Variants in NBEA observed in about 807,000 individuals in gnomAD.
NBEA encodes the protein neurobeachin.
In NBEA, 44 loss-of-function variants were observed where a neutral mutation model predicts 343.4. That is an observed-to-expected ratio of 0.13 (90% confidence interval 0.10 to 0.16). The LOEUF (loss-of-function observed/expected upper bound fraction) is 0.16, where lower values mean the gene tolerates loss of function less well. NBEA is among the 10% of genes least tolerant of loss of function. NBEA has a pLI of 1.00. For missense variants in NBEA, 2,555 were observed against 3,631.3 expected, an observed-to-expected ratio of 0.70 and a Z score of 7.62; for synonymous variants, 1,175 against 1,238.7, an observed-to-expected ratio of 0.95 and a Z score of 1.08.
intron 36 of NBEA, among the ~76,000 whole-genome samples, chr13:35,345,949 T>C (rs1428551524): frequency 6.6e-6 from 1 of 152,078 alleles, no homozygotes; most frequent in Non-Finnish European, 1.5e-5. Flanking sequence ...ATGTGGATAA[T>C]GGTGTCATTC....
chr13:35,006,229 G>T (rs2061313025), intron 1 of NBEA, among the ~76,000 whole-genome samples: 1 of 151,654 alleles, frequency 6.6e-6, no homozygotes, highest in Non-Finnish European at 1.5e-5. Context: ...GGATGTACAT[G>T]TCTTTTATTT....
intron 10 of NBEA, among the ~76,000 whole-genome samples, chr13:35,093,508 A>G (rs1263460479): frequency 1.3e-5 from 2 of 151,892 alleles, no homozygotes; most frequent in Non-Finnish European, 2.9e-5. Context: ...TGTTAATCCT[A>G]TTTCTCTTAA....
intron 41 of NBEA, among the ~76,000 whole-genome samples, chr13:35,478,144 T>A (rs2075961751): frequency 6.6e-6 from 1 of 152,230 alleles, no homozygotes; most frequent in South Asian, 2.1e-4. Flanking sequence ...CTTAAGCTTT[T>A]GATTTTTGTT....
intron 17 of NBEA, among the ~76,000 whole-genome samples, chr13:35,133,062 A>G (rs1431368524): frequency 6.6e-6 from 1 of 152,182 alleles, no homozygotes; most frequent in Non-Finnish European, 1.5e-5. Flanking sequence ...GATACCATAA[A>G]AAGTGAAAAG....
At chr13:35,485,937 T>C (rs1056572369) in intron 41 of NBEA, among the ~76,000 whole-genome samples, 1 of 152,136 alleles carries the variant, frequency 6.6e-6, no homozygotes, top group African/African-American at 2.4e-5. Context: ...TAAGACATAC[T>C]TCACAACCAC....
chr13:35,541,405 G>A (rs368816248), intron 41 of NBEA, among the ~76,000 whole-genome samples: 2 of 151,830 alleles, frequency 1.3e-5, no homozygotes, highest in African/African-American at 2.4e-5. Context: ...TTAAAGGAAC[G>A]GAAGAAAAAT....
intron 34 of NBEA, among the ~76,000 whole-genome samples, chr13:35,281,936 G>A (rs546149954): frequency 4.0e-5 from 6 of 151,664 alleles, no homozygotes; most frequent in African/African-American, 1.2e-4. Context: ...ATTTTGAGAC[G>A]GAGTCTTACT....
At chr13:35,424,983 C>T (rs1318781671) in intron 38 of NBEA, among the ~76,000 whole-genome samples, 7 of 152,066 alleles carry the variant, frequency 4.6e-5, no homozygotes, top group Admixed American at 2.0e-4. Context: ...TCTGTGGGAT[C>T]GGTGGTGATA....
At chr13:35,305,608 C>A (rs904301785) in intron 35 of NBEA, among the ~76,000 whole-genome samples, 1 of 152,124 alleles carries the variant, frequency 6.6e-6, no homozygotes, top group Non-Finnish European at 1.5e-5. Context: ...TTCCCTCCAT[C>A]TTGGCTGCCA....
At chr13:34,985,903 G>T (rs1489414470) in intron 1 of NBEA, among the ~76,000 whole-genome samples, 1 of 150,234 alleles carries the variant, frequency 6.7e-6, no homozygotes, top group Non-Finnish European at 1.5e-5. Flanking sequence ...ATTTTTTATT[G>T]CATTTATTTG....
intron 33 of NBEA, among the ~76,000 whole-genome samples, chr13:35,223,471 G>A (rs1188425912): frequency 6.6e-6 from 1 of 152,044 alleles, no homozygotes; most frequent in African/African-American, 2.4e-5. Context: ...ATTTCTTCTG[G>A]CTTGCACAGA....
intron 34 of NBEA, among the ~76,000 whole-genome samples, chr13:35,274,065 A>C (rs559734570): frequency 6.6e-6 from 1 of 151,856 alleles, no homozygotes; most frequent in Admixed American, 6.6e-5. Context: ...ACAACAAAAA[A>C]AGAATTTTAG....
intron 38 of NBEA, among the ~76,000 whole-genome samples, chr13:35,425,575 T>C (rs1331020976): frequency 6.6e-6 from 1 of 152,218 alleles, no homozygotes; most frequent in East Asian, 1.9e-4. Flanking sequence ...AACTATGTGA[T>C]CAATTTTGGA....
intron 38 of NBEA, among the ~76,000 whole-genome samples, chr13:35,428,775 G>T (rs2044887249): frequency 6.6e-6 from 1 of 152,152 alleles, no homozygotes. Context: ...TATGACAAGT[G>T]ATTTTAGATT....
At chr13:35,496,889 A>G (rs564277219) in intron 41 of NBEA, among the ~76,000 whole-genome samples, 3 of 152,004 alleles carry the variant, frequency 2.0e-5, no homozygotes, top group South Asian at 2.1e-4. Context: ...CCTTCCCCCA[A>G]ACAAATTTAC....
intron 41 of NBEA, among the ~76,000 whole-genome samples, chr13:35,484,299 C>A (rs2076233702): frequency 6.9e-6 from 1 of 145,858 alleles, no homozygotes; most frequent in Non-Finnish European, 1.5e-5. Flanking sequence ...TATATGTAGA[C>A]CCTCACTAAT....
intron 8 of NBEA, among the ~76,000 whole-genome samples, chr13:35,059,532 A>C (rs2063386440): frequency 6.6e-6 from 1 of 151,916 alleles, no homozygotes; most frequent in African/African-American, 2.4e-5. Context: ...GTAAAGTCTC[A>C]AACTACTTCG....
chr13:35,605,897 TA>T (rs1418478634), intron 47 of NBEA, among the ~76,000 whole-genome samples: 1 of 151,818 alleles, frequency 6.6e-6, no homozygotes, highest in African/African-American at 2.4e-5. Flanking sequence ...GTGATTGATA[TA>T]AAAATAATTT....
chr13:35,288,816 G>A (rs1013305620), intron 34 of NBEA, among the ~76,000 whole-genome samples: 2 of 151,834 alleles, frequency 1.3e-5, no homozygotes, highest in African/African-American at 4.8e-5. Context: ...CCTTTTACTT[G>A]TTTTTTCTTT....
Sources: gnomAD v4.1 joint callset for allele counts (sites outside exome capture counted in the v4.1 genomes callset) on GRCh38, gnomAD v4.1.1 for gene constraint, MANE v1.5 for transcripts, NCBI Gene and HGNC (gene_info 2026-07-23, HGNC 2026-07-21) for gene names.